PIKFYVE: variants seen among roughly 807,000 people sequenced by gnomAD.
PIKFYVE encodes 1-phosphatidylinositol 3-phosphate 5-kinase.
A neutral mutation model predicts 257.9 loss-of-function variants in PIKFYVE; 122 were observed. The observed-to-expected ratio is 0.47, with a 90% CI of 0.41 to 0.55. The LOEUF (loss-of-function observed/expected upper bound fraction) is 0.55, where lower values mean the gene tolerates loss of function less well. Ranked by LOEUF, PIKFYVE falls within the 20% of genes least tolerant of loss-of-function variation. The pLI is 0.00. For synonymous variants in PIKFYVE, 892 were observed against 868.9 expected (o/e 1.03, Z -0.47); for missense variants, 2,160 against 2,536.6 (o/e 0.85, Z 3.19).
chr2:208,341,118 C>T (rs1459384397), intron 31 of PIKFYVE, among the ~76,000 whole-genome samples: 1 of 151,888 alleles, frequency 6.6e-6, no homozygotes, highest in Non-Finnish European at 1.5e-5. Context: ...AGTGATTCTC[C>T]TGCCTCAGCT....
Position 208,288,711 on chromosome 2 carries a change from T to G in PIKFYVE, c.822-18T>G. ...TACTGTCCTGAATTATTTCAGTATT[T>G]TCCTATTTTCTTTATAGTTTGATTC... On this transcript the variant is annotated intron_variant, in intron 6 of 41. Coordinates refer to ENST00000264380, the MANE Select transcript of PIKFYVE (RefSeq NM_015040.4). The G allele has an allele frequency of 1.2e-6, 2 of 1,613,650 alleles. No homozygotes were observed. The highest frequency in any genetic ancestry group is 1.7e-6 in the Non-Finnish European group (2 of 1,179,826).
At chr2:208,354,244 A>G in intron 40 of PIKFYVE, 85 bp downstream of exon 40, 1 of 1,442,994 alleles carries the variant, frequency 6.9e-7, no homozygotes, top group South Asian at 1.2e-5. Flanking sequence ...GTCTAATAAT[A>G]GCTTATTGAA....
At position 208,350,956 on chromosome 2, in the gene PIKFYVE, T is replaced by G. The variant is rs1386643055; in HGVS notation, c.5611+9T>G. The G allele has an allele frequency of 6.2e-7, 1 of 1,613,988 alleles. No homozygotes were observed. Among genetic ancestry groups the G allele is most frequent in the Non-Finnish European group, 8.5e-7 (1 of 1,180,010 alleles). ...CTTCTATGCAACTGAGGGTGAGCCTTTCTCATCGTTTATTGATTGGTTCAG... is the reference window on the plus strand; with the variant it reads ...CTTCTATGCAACTGAGGGTGAGCCTGTCTCATCGTTTATTGATTGGTTCAG... On this transcript the variant is annotated intron_variant, in intron 37 of 41. Coordinates refer to ENST00000264380, the MANE Select transcript of PIKFYVE (RefSeq NM_015040.4).
At chr2:208,308,701 A>G (rs1252051020) in intron 12 of PIKFYVE, among the ~76,000 whole-genome samples, 2 of 128,324 alleles carry the variant, frequency 1.6e-5, no homozygotes, top group Non-Finnish European at 3.2e-5. Flanking sequence ...TGATAACACT[A>G]GTAGTTGGTT....
At chr2:208,312,989 A>C (rs1695090280) in intron 13 of PIKFYVE, among the ~76,000 whole-genome samples, 1 of 152,186 alleles carries the variant, frequency 6.6e-6, no homozygotes, top group South Asian at 2.1e-4. Context: ...TTCTAAATTC[A>C]TCTCCAAGCA....
In PIKFYVE at chr2:208,314,578, T is replaced by C. The variant is rs149002317; in HGVS notation, c.1826+155T>C. Among the ~76,000 whole-genome samples the C allele has an allele frequency of 1.8e-4, 28 of 152,340 alleles. No individual in the cohort carries two copies. In the East Asian group the frequency reaches 4.8e-3, roughly 26 times the overall value. ...GGTTACTTAGGAAATACAGTCTATT[T>C]TGACTTGTGATTAAATTTCTTATAA... On this transcript the variant is annotated intron_variant, in intron 14 of 41. Transcript: ENST00000264380.
At position 208,339,427 on chromosome 2, in the gene PIKFYVE, T is replaced by C; in HGVS notation, c.4682T>C (p.Phe1561Ser). 6.2e-7 allele frequency: 1 copy of C among 1,614,194 alleles called. No homozygotes were observed. The highest frequency in any genetic ancestry group is 8.5e-7 in the Non-Finnish European group (1 of 1,180,026). ...TTGTGTTTTTCTTTAGAGGATCGCT[T>C]CTTAACAACTTTGTCCAGCCAGAGC... ...GLQNGEKEDR[F>S]LTTLSSQSST... Residue 1561 changes from phenylalanine to serine, a missense_variant, in exon 30 of 42, where the codon TTC (phenylalanine) becomes TCC (serine). This residue lies in a region of PIKFYVE where 699 missense variants were observed against 855.8 expected (regional missense o/e 0.82). Transcript: ENST00000264380.
intron 35 of PIKFYVE, among the ~76,000 whole-genome samples, chr2:208,348,400 T>A (rs748670647): frequency 1.3e-5 from 2 of 152,202 alleles, no homozygotes; most frequent in Non-Finnish European, 2.9e-5. Context: ...TTCTTTCTTT[T>A]CAAGTCCCTG....
chr2:208,329,180 CTT>C (rs1199107596), intron 21 of PIKFYVE, among the ~76,000 whole-genome samples: 1 of 152,160 alleles, frequency 6.6e-6, no homozygotes, highest in Non-Finnish European at 1.5e-5. Flanking sequence ...AACATAACTT[CTT>C]GTTTGGGGGC....
chr2:208,351,252 A>G, intron 37 of PIKFYVE, 100 bp from the exon 38 acceptor site: 1 of 1,075,242 alleles, frequency 9.3e-7, no homozygotes, highest in South Asian at 1.3e-5. Flanking sequence ...TCCCCTTAAA[A>G]TCATAAAACA....
At chr2:208,290,969 CCAAT>C (rs955975656) in intron 7 of PIKFYVE, among the ~76,000 whole-genome samples, 12 of 152,122 alleles carry the variant, frequency 7.9e-5, no homozygotes, top group Admixed American at 2.6e-4. Context: ...TTCTTCCTTC[CCAAT>C]CAGTGTACTT....
intron 10 of PIKFYVE, among the ~76,000 whole-genome samples, chr2:208,303,753 G>A (rs918154691): frequency 3.9e-5 from 6 of 152,112 alleles, no homozygotes; most frequent in Non-Finnish European, 8.8e-5. Context: ...ACTAAAATTC[G>A]AAAGTCAATG....
In PIKFYVE at chr2:208,335,992, T is replaced by C; in HGVS notation, c.4366-54T>C. On this transcript the variant is annotated intron_variant, in intron 26 of 41. Transcript: ENST00000264380. ...CAAAAATTAATAATAGCAGTTTCTT[T>C]TGGGGTATGTCTGTATAGTGTCTGT... 5.6e-6 allele frequency: 9 copies of C among 1,606,520 alleles called. No homozygotes were observed. The South Asian group carries it at 6.6e-5, about 12-fold the overall frequency.
At chr2:208,293,393 A>G (rs570557692) in intron 7 of PIKFYVE, among the ~76,000 whole-genome samples, 2 of 152,128 alleles carry the variant, frequency 1.3e-5, no homozygotes, top group African/African-American at 4.8e-5. Context: ...TTCTTTGTGT[A>G]TTAATAGATG....
At chr2:208,298,451 CAG>C (rs200883847) in intron 7 of PIKFYVE, among the ~76,000 whole-genome samples, 188 bp from the exon 8 acceptor site, 2,959 of 152,260 alleles carry the variant, frequency 0.019, 65 homozygotes, top group Admixed American at 0.054. Context: ...AAATATCGTA[CAG>C]AGAGTTTCTG....
intron 33 of PIKFYVE, among the ~76,000 whole-genome samples, chr2:208,345,838 C>T (rs546894507): frequency 6.6e-6 from 1 of 152,062 alleles, no homozygotes; most frequent in Non-Finnish European, 1.5e-5. Context: ...TTTATAGTTA[C>T]AGCATTTCAC....
chr2:208,322,371 T>C (rs1696346911), intron 17 of PIKFYVE, among the ~76,000 whole-genome samples: 1 of 87,952 alleles, frequency 1.1e-5, no homozygotes. Flanking sequence ...AGACCCTGTC[T>C]CTTAAAAAAA....
At chr2:208,277,366 T>C (rs1367288043) in intron 4 of PIKFYVE, among the ~76,000 whole-genome samples, 171 bp from the exon 5 acceptor site, 1 of 152,228 alleles carries the variant, frequency 6.6e-6, no homozygotes, top group Non-Finnish European at 1.5e-5. Flanking sequence ...TATTAAGTCC[T>C]TCAATTTGTT....
rs1246232445 is a variant in PIKFYVE, at chr2:208,335,369, G to A, written c.4206G>A (p.Gln1402=). ...TCCCCAAAATATTCATTAAGCGTCA[G>A]GCCCCATTAAAAGTGTCCCTTCTTC... ...VPLPKIFIKR[Q]APLKVSLLQD... The change falls in exon 25 of 42, where the codon CAG becomes CAA. Residue 1402 remains glutamine (Q), a synonymous_variant. Transcript: ENST00000264380. The A allele has an allele frequency of 6.2e-7, 1 of 1,612,946 alleles. No individual in the cohort carries two copies. Among genetic ancestry groups the A allele is most frequent in the East Asian group, 2.2e-5 (1 of 44,784 alleles).
Sources: allele counts gnomAD v4.1 joint callset (sites outside exome capture counted in the v4.1 genomes callset), GRCh38; gene constraint gnomAD v4.1.1; regional missense constraint gnomAD v4.1.1; transcripts MANE v1.5; gene names NCBI Gene and HGNC (gene_info 2026-07-23, HGNC 2026-07-21).